Variants in NPAT observed in about 807,000 individuals in gnomAD.
NPAT encodes the protein nuclear protein, coactivator of histone transcription, also known as protein NPAT.
Under a neutral mutation model 130.7 loss-of-function variants are expected in NPAT, and 52 were observed. That is an observed-to-expected ratio of 0.40 (90% confidence interval 0.32 to 0.50). NPAT has a LOEUF of 0.50. Among genes scored for constraint, NPAT ranks in the 20% least tolerant of loss-of-function variants. The pLI is 0.68. For synonymous variants in NPAT, 580 were observed against 584.8 expected, an observed-to-expected ratio of 0.99 and a Z score of 0.12; for missense variants, 1,687 against 1,662.6, an observed-to-expected ratio of 1.01 and a Z score of -0.26.
intron 4 of NPAT, among the ~76,000 whole-genome samples, chr11:108,191,877 TATGGAAACTTGGAA>T (rs1428139091): frequency 6.6e-6 from 1 of 152,238 alleles, no homozygotes; most frequent in African/African-American, 2.4e-5. Context: ...TTTAAATTGC[TATGGAAACTTGGAA>T]ATGTCATTAA....
chr11:108,213,601 A>G (rs967803670), intron 1 of NPAT, among the ~76,000 whole-genome samples: 2 of 152,234 alleles, frequency 1.3e-5, no homozygotes, highest in African/African-American at 4.8e-5. Context: ...GATACATTCA[A>G]CACAATTCCT....
chr11:108,182,940 C>T (rs2078071135), intron 10 of NPAT, among the ~76,000 whole-genome samples: 1 of 152,098 alleles, frequency 6.6e-6, no homozygotes, highest in African/African-American at 2.4e-5. Context: ...AAACAATAAG[C>T]AAAAAGTTGG....
chr11:108,178,443 T>C (rs1368820800), intron 10 of NPAT, among the ~76,000 whole-genome samples: 1 of 152,146 alleles, frequency 6.6e-6, no homozygotes, highest in African/African-American at 2.4e-5. Flanking sequence ...TGTGTGTTCA[T>C]GAATTTCAAG....
At chr11:108,180,410 TAAAC>T (rs1347535978) in intron 10 of NPAT, among the ~76,000 whole-genome samples, 2 of 152,252 alleles carry the variant, frequency 1.3e-5, no homozygotes, top group African/African-American at 2.4e-5. Flanking sequence ...ACAAATAACT[TAAAC>T]AGACATTTAT....
At chr11:108,197,614 C>A (rs545467853) in intron 1 of NPAT, among the ~76,000 whole-genome samples, 194 bp from the exon 2 acceptor site, 1 of 152,250 alleles carries the variant, frequency 6.6e-6, no homozygotes, top group African/African-American at 2.4e-5. Context: ...ACAGGTGGCC[C>A]TTTCACAAGA....
intron 1 of NPAT, among the ~76,000 whole-genome samples, chr11:108,220,173 T>C (rs191687887): frequency 6.6e-6 from 1 of 152,344 alleles, no homozygotes; most frequent in Admixed American, 6.5e-5. Context: ...CACTTTGATG[T>C]ATTCTGGCCC....
At chr11:108,194,927 G>A (rs182809279) in intron 2 of NPAT, among the ~76,000 whole-genome samples, 4 of 152,048 alleles carry the variant, frequency 2.6e-5, no homozygotes, top group Admixed American at 1.3e-4. Flanking sequence ...GGGTTCAAGC[G>A]ATTCTCCTGT....
At chr11:108,183,986 T>C (rs1188031530) in intron 10 of NPAT, among the ~76,000 whole-genome samples, 2 of 136,630 alleles carry the variant, frequency 1.5e-5, no homozygotes, top group African/African-American at 5.5e-5. Flanking sequence ...AAAAAAAAAG[T>C]AAATTAAAGG....
chr11:108,165,975 A>G (rs550527388), intron 15 of NPAT, among the ~76,000 whole-genome samples: 1 of 129,780 alleles, frequency 7.7e-6, no homozygotes, highest in East Asian at 2.4e-4. Context: ...GTAAAGACAG[A>G]GTCTCATTAT....
At chr11:108,214,539 C>T (rs971909830) in intron 1 of NPAT, among the ~76,000 whole-genome samples, 2 of 151,752 alleles carry the variant, frequency 1.3e-5, no homozygotes, top group African/African-American at 4.8e-5. Flanking sequence ...ATTATGAATC[C>T]ATAAATATCC....
chr11:108,168,208 C>T (rs987184480), intron 15 of NPAT, among the ~76,000 whole-genome samples: 1 of 152,062 alleles, frequency 6.6e-6, no homozygotes, highest in Non-Finnish European at 1.5e-5. Flanking sequence ...TGGGAATAAG[C>T]CCCCAAAGAA....
rs565809914 is a variant in NPAT at position 108,174,983 on chromosome 11, G to C, written c.1133-1132C>G. ...AATTTAGGACAGAAAACATTAACTT[G>C]AATCAGTATGAAAAATATTTTTTAA... On this transcript the variant is annotated intron_variant, in intron 12 of 17. Transcript: ENST00000278612. Among the ~76,000 whole-genome samples, 10 of 152,272 alleles carry C rather than the reference G, an allele frequency of 6.6e-5. 1 individual carries two copies. In the South Asian group the frequency reaches 2.1e-3, roughly 32 times the overall value.
chr11:108,187,638 C>A (rs1323246859), intron 7 of NPAT, among the ~76,000 whole-genome samples: 8 of 147,994 alleles, frequency 5.4e-5, no homozygotes, highest in Admixed American at 5.3e-4. Context: ...TTATCTCTTT[C>A]AAAAAATATC....
intron 7 of NPAT, among the ~76,000 whole-genome samples, chr11:108,187,509 C>T (rs567997661): frequency 2.0e-5 from 3 of 152,036 alleles, no homozygotes; most frequent in Non-Finnish European, 4.4e-5. Flanking sequence ...GTGAGAAAGG[C>T]TCCAATAAAG....
At chr11:108,189,869 C>G (rs887309775) in intron 5 of NPAT, among the ~76,000 whole-genome samples, 1 of 59,342 alleles carries the variant, frequency 1.7e-5, no homozygotes, top group Non-Finnish European at 3.6e-5. Flanking sequence ...GACTCCGTCT[C>G]AAAAAAAAAA....
At chr11:108,197,279 C>G in intron 2 of NPAT, 23 bp downstream of exon 2, 2 of 1,378,768 alleles carry the variant, frequency 1.5e-6, no homozygotes, top group Non-Finnish European at 2.1e-6. Flanking sequence ...TGAAATATTT[C>G]CCTTAAGGAA....
intron 3 of NPAT, among the ~76,000 whole-genome samples, chr11:108,192,998 A>G (rs1325942025): frequency 6.6e-6 from 1 of 152,158 alleles, no homozygotes; most frequent in Non-Finnish European, 1.5e-5. Flanking sequence ...GAAAAAAAAC[A>G]TATGAAAGCA....
At chr11:108,189,400 T>C in intron 5 of NPAT, 70 bp from the exon 6 acceptor site, 2 of 1,254,078 alleles carry the variant, frequency 1.6e-6, no homozygotes, top group Non-Finnish European at 2.3e-6. Flanking sequence ...GAAGTCAATA[T>C]GATGCAACCT....
intron 1 of NPAT, among the ~76,000 whole-genome samples, chr11:108,218,595 A>G (rs10160616): frequency 0.022 from 3,285 of 152,336 alleles, 118 homozygotes; most frequent in African/African-American, 0.075. Flanking sequence ...GAAGATATAT[A>G]CACAAATAAC....
Sources: gnomAD v4.1 joint callset for allele counts (sites outside exome capture counted in the v4.1 genomes callset) on GRCh38, gnomAD v4.1.1 for gene constraint, MANE v1.5 for transcripts, NCBI Gene and HGNC (gene_info 2026-07-23, HGNC 2026-07-21) for gene names.